The following TTN variants were observed in gnomAD, a reference collection of about 807,000 sequenced individuals.
TTN encodes connectin.
TTN carries 1,525 observed loss-of-function variants against 3,223.0 expected under a neutral mutation model. That is an observed-to-expected ratio of 0.47 (90% CI 0.45 to 0.49). The LOEUF is 0.49. TTN is among the 20% of genes least tolerant of loss of function. The pLI is 0.00. For missense variants in TTN, 40,786 were observed against 43,424.0 expected, an observed-to-expected ratio of 0.94 and a Z score of 5.40; for synonymous variants, 14,094 against 15,161.0, an observed-to-expected ratio of 0.93 and a Z score of 5.17.
chr2:178,587,719 A>G lies in TTN; in HGVS notation c.63590T>C (p.Ile21197Thr), dbSNP rs1473107263. The G allele has an allele frequency of 3.7e-6, 6 of 1,612,758 alleles. No individual in the cohort carries two copies. Among genetic ancestry groups the G allele is most frequent in the Non-Finnish European group, 4.2e-6 (5 of 1,179,368 alleles). The change falls in exon 306 of 363, where the codon ATA becomes ACA. Residue 21197 changes from isoleucine to threonine, a missense_variant. Ile to Thr is a moderately conservative substitution (Grantham distance 89, BLOSUM62 -1). Coordinates refer to ENST00000589042, the MANE Select transcript of TTN (RefSeq NM_001267550.2). ...RAGCPIRLFAIVRGRPAPKVT... is the reference protein window; with the variant it reads ...RAGCPIRLFATVRGRPAPKVT... ...TTTAGGGGCTGGTCGTCCTCTCACT[A>G]TAGCAAAGAGACGAATAGGGCATCC...
chr2:178,731,148 T>C lies in TTN; in HGVS notation c.17517A>G (p.Pro5839=). 6.2e-7 allele frequency: 1 copy of C among 1,613,718 alleles called. No homozygotes were observed. Among genetic ancestry groups the C allele is most frequent in the Non-Finnish European group, 8.5e-7 (1 of 1,179,706 alleles). Residue 5839 remains proline (P), a synonymous_variant, in exon 60 of 363, where the codon CCA becomes CCG. Transcript: ENST00000589042. ...CTGAAAATTTAACCTGCAAAGTGGCTGGGTCTCCTTGGGTGACATCTATAG... is the reference window on the plus strand; with the variant it reads ...CTGAAAATTTAACCTGCAAAGTGGCCGGGTCTCCTTGGGTGACATCTATAG... ...AVSIDVTQGD[P]ATLQVKFSGT...
intron 354 of TTN, chr2:178,538,286 T>A (rs1012345122): frequency 2.1e-6 from 1 of 476,794 alleles, no homozygotes; most frequent in Non-Finnish European, 3.6e-6. Context: ...GAAATATTTT[T>A]AAAAAGAAAC....
rs1697929957 is a variant in TTN at position 178,548,068 on chromosome 2, C to T, written c.93558G>A (p.Val31186=). The change falls in exon 339 of 363, where the codon GTG becomes GTA. Residue 31186 remains valine (V), a synonymous_variant. Coordinates refer to ENST00000589042, the MANE Select transcript of TTN (RefSeq NM_001267550.2). This position sits in a 1 kb window ranked among gnomAD's most constrained non-coding sequence, Gnocchi z 4.3. ...TATAGCCAGCATCATTCTTGGCCTT[C>T]ACACGGAATTCATATTCAGTTTTCT... ...LVEKTEYEFR[V]KAKNDAGYSE... is the part of the protein sequence containing the mutation. 2 of 1,613,750 alleles carry T rather than the reference C, an allele frequency of 1.2e-6. No individual in the cohort carries two copies. Among genetic ancestry groups the T allele is most frequent in the East Asian group, 2.2e-5 (1 of 44,882 alleles).
Position 178,698,929 on chromosome 2 carries a change from AAAG to A in TTN, c.30683-18_30683-16del. ...CTTTTTGGTAACTAAAAAAAAAAAA[AAAG>A]AAAAAAAAAGAAAAAATATTTCTGG... On this transcript the variant is annotated splice_polypyrimidine_tract_variant and intron_variant, in intron 111 of 362. Transcript: ENST00000589042. The A allele has an allele frequency of 1.0e-5, 15 of 1,492,142 alleles. No individual in the cohort carries two copies. The highest frequency in any genetic ancestry group is 7.6e-5 in the Admixed American group (3 of 39,470). 92.4% of individuals were successfully genotyped at this position (1,492,142 alleles called of 1,614,324 possible).
At chr2:178,790,998 C>T (rs1422074029) in intron 10 of TTN, among the ~76,000 whole-genome samples, 153 bp from the exon 11 acceptor site, 2 of 152,214 alleles carry the variant, frequency 1.3e-5, no homozygotes, top group Admixed American at 6.5e-5. Context: ...GTGCTTAATA[C>T]ATAGACTGCT....
In TTN at chr2:178,682,641, C is replaced by T; in HGVS notation, c.33094+56G>A. The stretch of plus-strand genomic sequence containing the variant: ...CTTGTTATGATTTATCTTGTTTTAT[C>T]TTGTTTGAGTGTGCACATATTTAGT... On this transcript the variant is annotated intron_variant, in intron 135 of 362. Transcript: ENST00000589042. 2.1e-6 allele frequency: 3 copies of T among 1,429,102 alleles called. No individual in the cohort carries two copies. The East Asian group carries it at 7.5e-5, about 36-fold the overall frequency. 88.5% of individuals were successfully genotyped at this position (1,429,102 alleles called of 1,614,324 possible). A position where few individuals can be genotyped will look rare whatever the true frequency, so the allele number is the denominator to read the frequency against.
chr2:178,589,527 C>G lies in TTN; in HGVS notation c.62198G>C (p.Cys20733Ser). The change falls in exon 304 of 363, where the codon TGT becomes TCT. Residue 20733 changes from cysteine to serine, a missense_variant. Transcript: ENST00000589042. ...IKETHYMVDRCVENQIYEFRV... is the reference protein window; with the variant it reads ...IKETHYMVDRSVENQIYEFRV... ...GAACTCATAAATCTGGTTTTCAACA[C>G]ATCTGTCAACCATGTAGTGAGTTTC... 6.2e-7 allele frequency: 1 copy of G among 1,613,332 alleles called. No individual in the cohort carries two copies. Among genetic ancestry groups the G allele is most frequent in the East Asian group, 2.2e-5 (1 of 44,698 alleles).
At position 178,552,011 on chromosome 2, in the gene TTN, A is replaced by G. The variant is rs774830322; in HGVS notation, c.90889T>C (p.Phe30297Leu). Reference sequence around the variant, plus strand: ...TATCTGTTTTCTGCTCTCACTCTAAACTGGTACTCAGCATCTTTGACTAGA... The same window carrying G: ...TATCTGTTTTCTGCTCTCACTCTAAGCTGGTACTCAGCATCTTTGACTAGA... ...PNLVKDAEYQ[F>L]RVRAENRYGV... Residue 30297 changes from phenylalanine (F) to leucine (L), a missense_variant, in exon 335 of 363, where the codon TTT becomes CTT. By Grantham distance (22) the Phe-to-Leu change is conservative. Transcript: ENST00000589042. 6.2e-7 allele frequency: 1 copy of G among 1,612,750 alleles called. No homozygotes were observed.
In TTN at chr2:178,800,452, C is replaced by A; in HGVS notation, c.526G>T (p.Val176Leu). The A allele has an allele frequency of 6.2e-7, 1 of 1,614,148 alleles. No homozygotes were observed. Among genetic ancestry groups the A allele is most frequent in the South Asian group, 1.1e-5 (1 of 91,084 alleles). The change falls in exon 4 of 363, where the codon GTA becomes TTA. Residue 176 changes from valine (V) to leucine (L), a missense_variant. Val to Leu is a conservative substitution (Grantham distance 32). Transcript: ENST00000589042. The part of the protein sequence containing the change: ...AYPEDSGTYS[V>L]NATNSVGRAT... ...CTTCCAACGCTATTGGTGGCATTTA[C>A]TGAATAGGTCCCTGAGTCCTCAGGG...
chr2:178,751,162 C>G (rs1231503552), intron 47 of TTN: 2 of 1,611,876 alleles, frequency 1.2e-6, no homozygotes, highest in African/African-American at 1.3e-5. Flanking sequence ...TTTTCATGTC[C>G]TCTCTAGAGA....
At chr2:178,705,612 A>AAT (rs2075738710) in intron 102 of TTN, among the ~76,000 whole-genome samples, 1 of 152,160 alleles carries the variant, frequency 6.6e-6, no homozygotes, top group South Asian at 2.1e-4. Context: ...GGGAAAGGAT[A>AAT]ATAGAAGTAT....
chr2:178,527,469 T>C lies in TTN; in HGVS notation c.107657A>G (p.Lys35886Arg), dbSNP rs727504465. 5 of 1,613,832 alleles carry C rather than the reference T, an allele frequency of 3.1e-6. No individual in the cohort carries two copies. Among genetic ancestry groups the C allele is most frequent in the Middle Eastern group, 1.7e-4 (1 of 6,060 alleles). Reference sequence around the variant, plus strand: ...ACCTCTTATGCCTGCTTTAAGCATTTTACTAGTTGAGCTTTCCAGTTGTGT... The same window carrying C: ...ACCTCTTATGCCTGCTTTAAGCATTCTACTAGTTGAGCTTTCCAGTTGTGT... ...NMTQLESSTS[K>R]MLKAGIRGIP... The change falls in exon 362 of 363, where the codon AAA becomes AGA. Residue 35886 changes from lysine to arginine, a missense_variant. Physicochemically the swap from Lys to Arg is conservative, Grantham distance 26. Transcript: ENST00000589042.
intron 156 of TTN, among the ~76,000 whole-genome samples, chr2:178,670,881 T>C (rs1257461474): frequency 6.6e-6 from 1 of 151,950 alleles, no homozygotes; most frequent in African/African-American, 2.4e-5. Context: ...TTGCTTTGGT[T>C]GTTTTAGGTA....
intron 316 of TTN, 116 bp downstream of exon 316, chr2:178,581,383 G>A (rs2047703401): frequency 9.9e-6 from 8 of 807,288 alleles, no homozygotes; most frequent in Non-Finnish European, 1.4e-5. Context: ...AAGTACTCTT[G>A]GAGTTACCAG....
chr2:178,702,492 T>C lies in TTN; in HGVS notation c.30395A>G (p.His10132Arg), dbSNP rs1057518758. 6.2e-7 allele frequency: 1 copy of C among 1,613,994 alleles called. No homozygotes were observed. Residue 10132 changes from histidine (H) to arginine (R), a missense_variant, in exon 107 of 363, where the codon CAT becomes CGT. Transcript: ENST00000589042. ...KYNFRNDGRC[H>R]YMTIHNVTPD... ...GGTCACATTGTGGATGGTCATATAA[T>C]GGCAGCGGCCATCATTCCTGAAGTT...
rs768759237 is a variant in TTN at position 178,534,705 on chromosome 2, G to A, written c.101910C>T (p.Asp33970=). 16 of 1,613,814 alleles carry A rather than the reference G, an allele frequency of 9.9e-6. No individual in the cohort carries two copies. The highest frequency in any genetic ancestry group is 1.4e-5 in the Non-Finnish European group (16 of 1,179,782). The change falls in exon 358 of 363, where the codon GAC becomes GAT. Residue 33970 remains aspartate (D), a synonymous_variant. Transcript: ENST00000589042. The part of the protein sequence containing the change: ...FGQARQLKPG[D]NFRLLFTAPE... ...GGGCAGTGAATAGAAGCCTGAAGTT[G>A]TCCCCTGGTTTCAGCTGACGGGCTT... is the stretch of plus-strand genomic sequence containing the variant.
At position 178,553,186 on chromosome 2, in the gene TTN, T is replaced by C. The variant is rs773727575; in HGVS notation, c.89714A>G (p.Asn29905Ser). ...SLLTIPQVTR[N>S]DTGKYILTIE... ...TGTGAGAATATATTTTCCTGTATCA[T>C]TGCGAGTAACTTGAGGAATGGTGAG... The change falls in exon 335 of 363, where the codon AAT (asparagine) becomes AGT (serine). Residue 29905 changes from asparagine to serine, a missense_variant. By Grantham distance (46) the Asn-to-Ser change is conservative. Coordinates refer to ENST00000589042, the MANE Select transcript of TTN (RefSeq NM_001267550.2). The C allele has an allele frequency of 2.5e-6, 4 of 1,613,784 alleles. No individual in the cohort carries two copies. The South Asian group carries it at 3.3e-5, about 13-fold the overall frequency.
At position 178,720,214 on chromosome 2, in the gene TTN, C is replaced by G. The variant is rs2078129851; in HGVS notation, c.23428G>C (p.Asp7810His). Reference protein sequence around the residue: ...KLSDTSTLIGDAVELRAIVEG... With the variant: ...KLSDTSTLIGHAVELRAIVEG... Reference sequence around the variant, plus strand: ...ACTATGGCCCGTAACTCAACAGCATCCCCAATAAGGGTTGAGGTGTCACTT... The same window carrying G: ...ACTATGGCCCGTAACTCAACAGCATGCCCAATAAGGGTTGAGGTGTCACTT... Residue 7810 changes from aspartate (D) to histidine (H), a missense_variant, in exon 81 of 363, where the codon GAT (aspartate) becomes CAT (histidine). Physicochemically the swap from Asp to His is moderately conservative, Grantham distance 81. Coordinates refer to ENST00000589042, the MANE Select transcript of TTN (RefSeq NM_001267550.2). The G allele has an allele frequency of 1.2e-6, 2 of 1,613,660 alleles. No individual in the cohort carries two copies. Among genetic ancestry groups the G allele is most frequent in the Non-Finnish European group, 1.7e-6 (2 of 1,179,694 alleles).
chr2:178,598,858 G>T lies in TTN; in HGVS notation c.56852C>A (p.Thr18951Asn), dbSNP rs2052524114. ...AMTLGVSYKV[T>N]GLIEGSDYQF... ...ATAGTCGGAACCTTCAATAAGACCAGTCACTTTATAAGAAACACCCAAAGT... is the reference window on the plus strand; with the variant it reads ...ATAGTCGGAACCTTCAATAAGACCATTCACTTTATAAGAAACACCCAAAGT... The change falls in exon 291 of 363, where the codon ACT becomes AAT. Residue 18951 changes from threonine (T) to asparagine (N), a missense_variant. Physicochemically the swap from Thr to Asn is moderately conservative, Grantham distance 65. Transcript: ENST00000589042. 3 of 1,613,152 alleles carry T rather than the reference G, an allele frequency of 1.9e-6. No homozygotes were observed. Among genetic ancestry groups the T allele is most frequent in the Non-Finnish European group, 2.5e-6 (3 of 1,179,522 alleles).
Sources: gnomAD v4.1 joint callset for allele counts (sites outside exome capture counted in the v4.1 genomes callset) on GRCh38, gnomAD v4.1.1 for gene constraint, Gnocchi (gnomAD v3.1) non-coding constraint, MANE v1.5 for transcripts, NCBI Gene and HGNC (gene_info 2026-07-23, HGNC 2026-07-21) for gene names.